Variants in PDE10A observed in about 807,000 individuals in gnomAD.
The protein encoded by PDE10A is cAMP and cAMP-inhibited cGMP 3',5'-cyclic phosphodiesterase 10A.
Under a neutral mutation model 97.7 loss-of-function variants are expected in PDE10A, and 39 were observed. That is an observed-to-expected ratio of 0.40 (90% CI 0.31 to 0.52). The LOEUF (loss-of-function observed/expected upper bound fraction) is 0.52, where lower values mean the gene tolerates loss of function less well. Among genes scored for constraint, PDE10A ranks in the 20% least tolerant of loss-of-function variants. PDE10A has a pLI of 0.56. For synonymous variants in PDE10A, 371 were observed against 376.8 expected (o/e 0.98, Z 0.18); for missense variants, 731 against 1,047.8 (o/e 0.70, Z 4.17).
Position 165,383,076 on chromosome 6 carries a change from C to T in PDE10A, c.2611-3710G>A, listed in dbSNP as rs77505433. ...TTCTATAAAGAGTAGTAAGAAGTCA[C>T]GGGATCCCAAAATGTTGGTATAAAT... On this transcript the variant is annotated intron_variant, in intron 17 of 21. Transcript: ENST00000539869. Among the ~76,000 whole-genome samples, 440 of 152,092 alleles carry T rather than the reference C, an allele frequency of 2.9e-3. 3 individuals carry two copies. Among genetic ancestry groups the T allele is most frequent in the African/African-American group, 0.01 (422 of 41,494 alleles).
chr6:165,596,015 A>G (rs923280352), intron 1 of PDE10A, among the ~76,000 whole-genome samples: 3 of 152,182 alleles, frequency 2.0e-5, no homozygotes, highest in Non-Finnish European at 2.9e-5. Flanking sequence ...GTTGAGAAAT[A>G]TTATATTCAC....
intron 1 of PDE10A, among the ~76,000 whole-genome samples, chr6:165,738,292 T>C (rs1010762412): frequency 6.6e-6 from 1 of 151,878 alleles, no homozygotes; most frequent in Admixed American, 6.6e-5. Context: ...AATAGTTTAC[T>C]GAGAATGATG....
At chr6:165,553,616 A>C (rs1298098362) in intron 1 of PDE10A, among the ~76,000 whole-genome samples, 1 of 152,164 alleles carries the variant, frequency 6.6e-6, no homozygotes, top group Non-Finnish European at 1.5e-5. Context: ...TTGATTACTT[A>C]TTTCACGTGA....
intron 17 of PDE10A, among the ~76,000 whole-genome samples, chr6:165,384,383 C>G (rs912510270): frequency 2.0e-5 from 3 of 152,146 alleles, no homozygotes; most frequent in African/African-American, 7.2e-5. Context: ...ACCATGAAAA[C>G]AATCCTGATG....
At chr6:165,430,374 C>T (rs780638410) in intron 8 of PDE10A, 29 bp from the exon 9 acceptor site, 1 of 1,403,360 alleles carries the variant, frequency 7.1e-7, no homozygotes, top group South Asian at 1.2e-5. Context: ...GGTACAATTA[C>T]AAGAGATTTC....
chr6:165,617,096 G>A (rs1787759652), intron 1 of PDE10A, among the ~76,000 whole-genome samples: 1 of 152,152 alleles, frequency 6.6e-6, no homozygotes, highest in African/African-American at 2.4e-5. Context: ...GCTTTCTCCT[G>A]TGTAGTTACC....
chr6:165,578,380 T>C (rs2128352090), intron 1 of PDE10A, among the ~76,000 whole-genome samples: 1 of 152,196 alleles, frequency 6.6e-6, no homozygotes, highest in Admixed American at 6.5e-5. Context: ...TGTTACAGAT[T>C]CCCTTTTGTA....
intron 2 of PDE10A, among the ~76,000 whole-genome samples, chr6:165,487,104 A>T (rs1779966798): frequency 6.6e-6 from 1 of 152,240 alleles, no homozygotes; most frequent in African/African-American, 2.4e-5. Context: ...GTGCTAGAAG[A>T]GGATCAACTG....
intron 2 of PDE10A, among the ~76,000 whole-genome samples, chr6:165,501,053 A>T (rs577993024): frequency 1.1e-4 from 16 of 152,220 alleles, no homozygotes; most frequent in South Asian, 4.2e-4. Context: ...CCGAGATGGT[A>T]GAGATAATGA....
intron 1 of PDE10A, among the ~76,000 whole-genome samples, chr6:165,686,764 G>C (rs1218924675): frequency 1.3e-5 from 2 of 152,206 alleles, no homozygotes; most frequent in Non-Finnish European, 2.9e-5. Context: ...GAGCAGCTGC[G>C]TGACCGCCTC....
At chr6:165,428,217 G>A (rs1789302578) in intron 10 of PDE10A, among the ~76,000 whole-genome samples, 1 of 152,092 alleles carries the variant, frequency 6.6e-6, no homozygotes, top group South Asian at 2.1e-4. Context: ...AAAGTACTCA[G>A]TAGCATAGGG....
chr6:165,482,745 A>C (rs779407736), intron 2 of PDE10A, among the ~76,000 whole-genome samples: 3 of 152,232 alleles, frequency 2.0e-5, no homozygotes, highest in Non-Finnish European at 4.4e-5. Flanking sequence ...GGTTAGTTCC[A>C]GCAGACCTGG....
intron 11 of PDE10A, among the ~76,000 whole-genome samples, chr6:165,416,633 G>A (rs1371998211): frequency 6.6e-6 from 1 of 152,126 alleles, no homozygotes; most frequent in Non-Finnish European, 1.5e-5. Flanking sequence ...TCAATGAGGT[G>A]TGAACGAAGG....
At chr6:165,881,392 CTTTTTTTT>C (rs68159417) in intron 1 of PDE10A, among the ~76,000 whole-genome samples, 8 of 107,028 alleles carry the variant, frequency 7.5e-5, no homozygotes, top group South Asian at 3.0e-4. Context: ...TTTTTCTTTT[CTTTTTTTT>C]TTTTTTTTTT....
chr6:165,855,898 C>T (rs1362273190), intron 1 of PDE10A, among the ~76,000 whole-genome samples: 1 of 152,158 alleles, frequency 6.6e-6, no homozygotes, highest in East Asian at 1.9e-4. Flanking sequence ...TTCTTTCTGC[C>T]ACATTTTCTG....
At chr6:165,945,307 C>T (rs1018187719) in intron 1 of PDE10A, among the ~76,000 whole-genome samples, 5 of 152,166 alleles carry the variant, frequency 3.3e-5, no homozygotes, top group African/African-American at 4.8e-5. Flanking sequence ...ACTGAAGTCT[C>T]ATAAAAGACT....
intron 1 of PDE10A, among the ~76,000 whole-genome samples, chr6:165,567,993 C>CCTTTTTTTTTTTTT (rs370865492): frequency 1.7e-5 from 2 of 115,628 alleles, no homozygotes; most frequent in African/African-American, 6.4e-5. Context: ...CGCAACAAGG[C>CCTTTTTTTTTTTTT]ATTTTTTTTT....
chr6:165,585,852 C>G (rs1216595705), intron 1 of PDE10A, among the ~76,000 whole-genome samples: 2 of 152,052 alleles, frequency 1.3e-5, no homozygotes, highest in Non-Finnish European at 2.9e-5. Flanking sequence ...ATTATCAGAC[C>G]CACAGAGGCA....
intron 1 of PDE10A, among the ~76,000 whole-genome samples, chr6:165,821,299 T>G (rs779184251): frequency 2.0e-5 from 3 of 152,202 alleles, no homozygotes; most frequent in Non-Finnish European, 4.4e-5. Flanking sequence ...CAATGCCTCT[T>G]GACAACCTGA....
Sources: allele counts gnomAD v4.1 joint callset (sites outside exome capture counted in the v4.1 genomes callset), GRCh38; gene constraint gnomAD v4.1.1; transcripts MANE v1.5; gene names NCBI Gene and HGNC (gene_info 2026-07-23, HGNC 2026-07-21).